Variants in CSF3R observed in about 807,000 individuals in gnomAD.
CSF3R encodes the protein colony stimulating factor 3 receptor, also known as granulocyte colony-stimulating factor receptor.
In CSF3R, 52 loss-of-function variants were observed where a neutral mutation model predicts 84.4. The ratio of observed to expected loss-of-function variants is 0.62; its 90% CI spans 0.49 to 0.78. The LOEUF (loss-of-function observed/expected upper bound fraction) is 0.78, where lower values mean the gene tolerates loss of function less well. Among genes scored for constraint, CSF3R ranks in the 30% least tolerant of loss-of-function variants. The pLI is 0.00. For missense variants in CSF3R, 890 were observed against 1,055.7 expected (o/e 0.84, Z 2.17); for synonymous variants, 384 against 429.1 (o/e 0.89, Z 1.30).
At position 36,469,157 on chromosome 1, in the gene CSF3R, C is replaced by T. The variant is rs149081693; in HGVS notation, c.1575G>A (p.Met525Ile). Residue 525 changes from methionine to isoleucine, a missense_variant and splice_region_variant, in exon 12 of 17, where the codon ATG becomes ATA. Transcript: ENST00000373106. ...AAAGGGGCCTGATAGTTGACAAACC[C>T]ATTTCTTGAGAGTAGGCATAGACAT... ...SQHVYAYSQE[M>I]APSHAPELHL... The T allele has an allele frequency of 7.5e-5, 121 of 1,611,832 alleles. No individual in the cohort carries two copies. Among genetic ancestry groups the T allele is most frequent in the Non-Finnish European group, 1.0e-4 (118 of 1,178,090 alleles).
At position 36,468,172 on chromosome 1, in the gene CSF3R, C is replaced by G. The variant is rs1393635969; in HGVS notation, c.1626G>C (p.Trp542Cys). 6.2e-7 allele frequency: 1 copy of G among 1,611,438 alleles called. No individual in the cohort carries two copies. Among genetic ancestry groups the G allele is most frequent in the Non-Finnish European group, 8.5e-7 (1 of 1,178,646 alleles). ...GCTCAGGCACCCACTCCAGCTGTGC[C>G]CAGGTCTTGCCAATGTGCTTTAGAT... The part of the protein sequence containing the change: ...ELHLKHIGKT[W>C]AQLEWVPEPP... Residue 542 changes from tryptophan to cysteine, a missense_variant, in exon 13 of 17, where the codon TGG becomes TGC. Physicochemically the swap from Trp to Cys is radical, Grantham distance 215. Transcript: ENST00000373106.
chr1:36,480,773 A>C (rs1651470349), intron 2 of CSF3R, among the ~76,000 whole-genome samples: 1 of 152,220 alleles, frequency 6.6e-6, no homozygotes. Context: ...GTTACTGCTC[A>C]CAGGGGTCTT....
At chr1:36,473,953 C>T (rs1650954639) in intron 4 of CSF3R, 66 bp from the exon 5 acceptor site, 2 of 1,610,446 alleles carry the variant, frequency 1.2e-6, no homozygotes, top group Non-Finnish European at 1.7e-6. Context: ...CCTCTGGGAC[C>T]AGCTGGCCCT....
chr1:36,466,617 G>A lies in CSF3R; in HGVS notation c.2251C>T (p.Leu751Phe), dbSNP rs1650331500. 5.0e-6 allele frequency: 8 copies of A among 1,613,860 alleles called. No individual in the cohort carries two copies. In the Admixed American group the frequency reaches 1.0e-4, roughly 20 times the overall value. The change falls in exon 17 of 17, where the codon CTT becomes TTT. Residue 751 changes from leucine to phenylalanine, a missense_variant. Coordinates refer to ENST00000373106, the MANE Select transcript of CSF3R (RefSeq NM_000760.4). The surrounding 1 kb of genome is among the most constrained non-coding windows in gnomAD (Gnocchi z 4.6). ...QSQSGTSDQV[L>F]YGQLLGSPTS... ...GGGCTGCCCAGCAGCTGCCCATAAAGGACCTGATCGCTGGTGCCAGACTGG... is the reference window on the plus strand; with the variant it reads ...GGGCTGCCCAGCAGCTGCCCATAAAAGACCTGATCGCTGGTGCCAGACTGG...
intron 12 of CSF3R, chr1:36,468,813 G>T: frequency 3.3e-6 from 1 of 301,210 alleles, no homozygotes; most frequent in South Asian, 3.7e-5. Context: ...TGCCTGCCCT[G>T]GCCTCCCAGA....
rs1261925393 is a variant in CSF3R, at chr1:36,467,435, G to A, written c.1958+123C>T. The A allele has an allele frequency of 1.7e-5, 24 of 1,402,344 alleles. No individual in the cohort carries two copies. The highest frequency in any genetic ancestry group is 2.3e-5 in the Non-Finnish European group (23 of 988,656). The allele number at this position is 1,402,344 out of a possible 1,614,324, so 86.9% of individuals were successfully genotyped here. A position where few individuals can be genotyped will look rare whatever the true frequency, so the allele number is the denominator to read the frequency against. On this transcript the variant is annotated intron_variant, in intron 15 of 16. Coordinates refer to ENST00000373106, the MANE Select transcript of CSF3R (RefSeq NM_000760.4). The surrounding 1 kb of genome is among the most constrained non-coding windows in gnomAD (Gnocchi z 4.1). ...GTGCAGAGAGAAGAAGCTGGGGGCT[G>A]GGACTCTCAGACATGGGCCCCAAAG...
At position 36,473,786 on chromosome 1, in the gene CSF3R, T is replaced by C. The variant is rs1264182383; in HGVS notation, c.463A>G (p.Ser155Gly). 5.6e-6 allele frequency: 9 copies of C among 1,614,230 alleles called. No individual in the cohort carries two copies. In the East Asian group the frequency reaches 1.8e-4, roughly 32 times the overall value. Reference sequence around the variant, plus strand: ...CACTTGAAACTCTTCAGAGTGAAGCTGGTGGGTAGGTGGGTCTCAGGTCCT... The same window carrying C: ...CACTTGAAACTCTTCAGAGTGAAGCCGGTGGGTAGGTGGGTCTCAGGTCCT... ...EPGPETHLPT[S>G]FTLKSFKSRG... The change falls in exon 5 of 17, where the codon AGC (serine) becomes GGC (glycine). Residue 155 changes from serine to glycine, a missense_variant. Ser to Gly is a moderately conservative substitution (Grantham distance 56). Coordinates refer to ENST00000373106, the MANE Select transcript of CSF3R (RefSeq NM_000760.4).
chr1:36,466,320 T>A lies in CSF3R; in HGVS notation c.*37A>T. ...CCTCTTCTCCAGCTAGCTCAGGCCT[T>A]TAAGAGGCAGGCCCAAGAAGGGAAC... On this transcript the variant is annotated 3_prime_UTR_variant, in exon 17 of 17. Coordinates refer to ENST00000373106, the MANE Select transcript of CSF3R (RefSeq NM_000760.4). This position sits in a 1 kb window ranked among gnomAD's most constrained non-coding sequence, Gnocchi z 4.6. 6.2e-7 allele frequency: 1 copy of A among 1,612,106 alleles called. No individual in the cohort carries two copies. The highest frequency in any genetic ancestry group is 8.5e-7 in the Non-Finnish European group (1 of 1,179,794).
chr1:36,469,967 A>T (rs1324281040), intron 10 of CSF3R, 127 bp from the exon 11 acceptor site: 4 of 943,996 alleles, frequency 4.2e-6, no homozygotes, highest in Non-Finnish European at 6.6e-6. Flanking sequence ...TCAACATCTT[A>T]GCCTCAGTTT....
rs1019041627 is a variant in CSF3R, at chr1:36,472,452, G to C, written c.844-61C>G. 6 of 1,613,818 alleles carry C rather than the reference G, an allele frequency of 3.7e-6. No homozygotes were observed. The highest frequency in any genetic ancestry group is 1.7e-5 in the Admixed American group (1 of 60,012). ...CGCTGGGCCATTCTAGGGCCAGCTC[G>C]AGCCCGACTTACCCTGCCCCCTGCC... On this transcript the variant is annotated intron_variant, in intron 7 of 16. Transcript: ENST00000373106. The surrounding 1 kb of genome is among the most constrained non-coding windows in gnomAD (Gnocchi z 5.0).
Position 36,468,138 on chromosome 1 carries a change from G to T in CSF3R, c.1660C>A (p.Leu554Met), listed in dbSNP as rs1460105307. 6.2e-7 allele frequency: 1 copy of T among 1,613,744 alleles called. No homozygotes were observed. The highest frequency in any genetic ancestry group is 8.5e-7 in the Non-Finnish European group (1 of 1,179,836). ...QLEWVPEPPE[L>M]GKSPLTHYTI... Reference sequence around the variant, plus strand: ...TAGTGGGTAAGGGGGCTCTTCCCCAGCTCAGGGGGCTCAGGCACCCACTCC... The same window carrying T: ...TAGTGGGTAAGGGGGCTCTTCCCCATCTCAGGGGGCTCAGGCACCCACTCC... Residue 554 changes from leucine (L) to methionine (M), a missense_variant, in exon 13 of 17, where the codon CTG (leucine) becomes ATG (methionine). Transcript: ENST00000373106.
Position 36,475,632 on chromosome 1 carries a change from C to T in CSF3R, c.106G>A (p.Val36Ile), listed in dbSNP as rs369635490. The change falls in exon 4 of 17, where the codon GTC becomes ATC. Residue 36 changes from valine (V) to isoleucine (I), a missense_variant. Coordinates refer to ENST00000373106, the MANE Select transcript of CSF3R (RefSeq NM_000760.4). Reference sequence around the variant, plus strand: ...GCTGTGATGGGATCCCCCAGGTGGACGATGGGGGCTGAGACACTGATGTGC... The same window carrying T: ...GCTGTGATGGGATCCCCCAGGTGGATGATGGGGGCTGAGACACTGATGTGC... ...CGHISVSAPI[V>I]HLGDPITASC... 5.9e-5 allele frequency: 94 copies of T among 1,606,536 alleles called. No individual in the cohort carries two copies. Among genetic ancestry groups the T allele is most frequent in the Middle Eastern group, 5.2e-4 (3 of 5,772 alleles).
chr1:36,475,712 C>T (rs1212094374), intron 3 of CSF3R, 39 bp from the exon 4 acceptor site: 2 of 1,583,360 alleles, frequency 1.3e-6, no homozygotes, highest in African/African-American at 1.3e-5. Context: ...GACGCCTCTG[C>T]CTAGCAGAGC....
chr1:36,479,171 A>C, intron 3 of CSF3R: 12 of 534,956 alleles, frequency 2.2e-5, no homozygotes, highest in East Asian at 6.9e-5. Context: ...ACAGCTTGGT[A>C]GAGATTTGCG....
chr1:36,466,386 G>A lies in CSF3R; in HGVS notation c.2482C>T (p.His828Tyr). ...AAGCTCCCCAGCGCCTCCATCCCATGGACCCGGATCCCCTGCAGGAGGGGG... is the reference window on the plus strand; with the variant it reads ...AAGCTCCCCAGCGCCTCCATCCCATAGACCCGGATCCCCTGCAGGAGGGGG... ...NFPLLQGIRV[H>Y]GMEALGSF Residue 828 changes from histidine (H) to tyrosine (Y), a missense_variant, in exon 17 of 17, where the codon CAT becomes TAT. Transcript: ENST00000373106. This position sits in a 1 kb window ranked among gnomAD's most constrained non-coding sequence, Gnocchi z 4.6. 2 of 1,613,362 alleles carry A rather than the reference G, an allele frequency of 1.2e-6. No individual in the cohort carries two copies. The highest frequency in any genetic ancestry group is 1.7e-6 in the Non-Finnish European group (2 of 1,179,994).
At chr1:36,475,330 C>T in intron 4 of CSF3R, 47 bp downstream of exon 4, 6 of 1,607,360 alleles carry the variant, frequency 3.7e-6, no homozygotes, top group Non-Finnish European at 5.1e-6. Flanking sequence ...TTAGTATTGG[C>T]AGGAGGGTGT....
At chr1:36,474,336 G>A (rs1454959723) in intron 4 of CSF3R, among the ~76,000 whole-genome samples, 1 of 150,686 alleles carries the variant, frequency 6.6e-6, no homozygotes, top group African/African-American at 2.5e-5. Flanking sequence ...GCTCAGAACA[G>A]TGCCTAACTT....
intron 4 of CSF3R, 54 bp downstream of exon 4, chr1:36,475,323 G>A: frequency 6.2e-7 from 1 of 1,601,388 alleles, no homozygotes; most frequent in Non-Finnish European, 8.5e-7. Flanking sequence ...ATTCTTATTA[G>A]TATTGGCAGG....
chr1:36,471,807 G>T (rs1193960772), intron 9 of CSF3R, 161 bp from the exon 10 acceptor site: 3 of 761,054 alleles, frequency 3.9e-6, no homozygotes, highest in Admixed American at 2.5e-5. Flanking sequence ...CTTGTGCTAG[G>T]TTCTAGGAAG....
Sources: allele counts gnomAD v4.1 joint callset (sites outside exome capture counted in the v4.1 genomes callset), GRCh38; gene constraint gnomAD v4.1.1; non-coding constraint Gnocchi (gnomAD v3.1); transcripts MANE v1.5; gene names NCBI Gene and HGNC (gene_info 2026-07-23, HGNC 2026-07-21).